VPS13B: variants seen among roughly 807,000 people sequenced by gnomAD.
The protein encoded by VPS13B is intermembrane lipid transfer protein VPS13B.
In VPS13B, 285 loss-of-function variants were observed where a neutral mutation model predicts 426.4. The observed-to-expected ratio is 0.67, with a 90% CI of 0.61 to 0.74. The LOEUF (loss-of-function observed/expected upper bound fraction) is 0.74. Ranked by LOEUF, VPS13B falls within the 30% of genes least tolerant of loss-of-function variation. The pLI, the probability that VPS13B is intolerant of heterozygous loss-of-function variation, is 0.00. For synonymous variants in VPS13B, 1,676 were observed against 1,676.4 expected (o/e 1.00, Z 0.01); for missense variants, 4,537 against 4,782.6 (o/e 0.95, Z 1.51).
intron 55 of VPS13B, among the ~76,000 whole-genome samples, chr8:99,850,936 CA>C (rs1214730748): frequency 2.0e-5 from 3 of 151,946 alleles, no homozygotes; most frequent in Non-Finnish European, 4.4e-5. Flanking sequence ...GGAAAAAAAA[CA>C]AAACAAAACA....
At chr8:99,452,975 G>A (rs1339873037) in intron 23 of VPS13B, among the ~76,000 whole-genome samples, 4 of 152,308 alleles carry the variant, frequency 2.6e-5, no homozygotes. Flanking sequence ...TCTACACTGT[G>A]CCTAAGAGAG....
chr8:99,364,106 A>G (rs375397067), intron 19 of VPS13B, among the ~76,000 whole-genome samples: 25 of 152,254 alleles, frequency 1.6e-4, no homozygotes, highest in African/African-American at 5.5e-4. Flanking sequence ...GGTCTGTTAT[A>G]TATGGCTTTT....
rs1006248756 is a variant in VPS13B at position 99,072,894 on chromosome 8, A to G, written c.292-23418A>G. Reference sequence around the variant, plus strand: ...TGTGTTCTTGGTTCCTTTGTCAAAAATCAGGTGGCTGTAAATACATGGATT... The same window carrying G: ...TGTGTTCTTGGTTCCTTTGTCAAAAGTCAGGTGGCTGTAAATACATGGATT... On this transcript the variant is annotated intron_variant, in intron 3 of 61. Transcript: ENST00000357162. 4.6e-5 allele frequency among the ~76,000 whole-genome samples: 7 copies of G among 152,200 alleles called. No individual in the cohort carries two copies. The East Asian group carries it at 1.3e-3, about 29-fold the overall frequency.
chr8:99,177,107 G>T (rs1812674563), intron 16 of VPS13B, among the ~76,000 whole-genome samples: 1 of 152,202 alleles, frequency 6.6e-6, no homozygotes, highest in Non-Finnish European at 1.5e-5. Context: ...GCAAGGAAGT[G>T]ATGAGTGCTC....
chr8:99,454,205 G>A (rs1818338719), intron 23 of VPS13B, among the ~76,000 whole-genome samples: 1 of 151,820 alleles, frequency 6.6e-6, no homozygotes, highest in South Asian at 2.1e-4. Context: ...ATTTTTTTGA[G>A]ACAGGGTCTC....
intron 17 of VPS13B, among the ~76,000 whole-genome samples, chr8:99,224,536 A>G (rs1476132766): frequency 6.6e-6 from 1 of 152,170 alleles, no homozygotes; most frequent in Non-Finnish European, 1.5e-5. Flanking sequence ...TATTAATCAT[A>G]AGACTATAGC....
intron 21 of VPS13B, among the ~76,000 whole-genome samples, chr8:99,427,782 A>C (rs1388929450): frequency 6.6e-6 from 1 of 151,888 alleles, no homozygotes; most frequent in Non-Finnish European, 1.5e-5. Flanking sequence ...ATTGGAAAAA[A>C]CTACTTTAAA....
At chr8:99,192,747 TTAAG>T in intron 16 of VPS13B, 125 bp from the exon 17 acceptor site, 1 of 858,228 alleles carries the variant, frequency 1.2e-6, no homozygotes, top group Non-Finnish European at 1.8e-6. Flanking sequence ...TCTATTTTGT[TTAAG>T]TAGTATGTTT....
At chr8:99,792,529 A>G (rs1254346130) in intron 43 of VPS13B, among the ~76,000 whole-genome samples, 1 of 152,188 alleles carries the variant, frequency 6.6e-6, no homozygotes, top group African/African-American at 2.4e-5. Flanking sequence ...AGAGAGAGGC[A>G]TAGAGGCTCC....
intron 17 of VPS13B, among the ~76,000 whole-genome samples, chr8:99,197,346 G>A (rs1813999794): frequency 6.6e-6 from 1 of 152,138 alleles, no homozygotes; most frequent in South Asian, 2.1e-4. Context: ...AAATGAGTTT[G>A]AAAGTATTCT....
chr8:99,196,159 T>C lies in VPS13B; in HGVS notation c.2515+3102T>C, dbSNP rs79862988. 7.4e-3 allele frequency among the ~76,000 whole-genome samples: 1,123 copies of C among 152,280 alleles called. 7 individuals are homozygous for C. The highest frequency in any genetic ancestry group is 0.014 in the Middle Eastern group (4 of 294). ...TTTGGGTAATATGGACATTTTAACATTAATTCTCCAAGTTCATTAGCACAG... is the reference window on the plus strand; with the variant it reads ...TTTGGGTAATATGGACATTTTAACACTAATTCTCCAAGTTCATTAGCACAG... On this transcript the variant is annotated intron_variant, in intron 17 of 61. Coordinates refer to ENST00000357162, the MANE Select transcript of VPS13B (RefSeq NM_152564.5).
At chr8:99,586,121 G>T (rs533203947) in intron 33 of VPS13B, among the ~76,000 whole-genome samples, 208 of 152,182 alleles carry the variant, frequency 1.4e-3, no homozygotes, top group African/African-American at 4.6e-3. Context: ...AACGGGAGAG[G>T]GTATAAGCTT....
Position 99,060,614 on chromosome 8 carries a change from C to CAA in VPS13B, c.291+22058_291+22059dup, listed in dbSNP as rs11413404. Among the ~76,000 whole-genome samples the CAA allele has an allele frequency of 4.8e-4, 71 of 148,512 alleles. No individual in the cohort carries two copies. In the South Asian group the frequency reaches 5.5e-3, roughly 11 times the overall value. ...ATAGAGCGCGACTTCATCTCAAAAA[C>CAA]AAAAAAAAAAATTGATTTAAATAAT... On this transcript the variant is annotated intron_variant, in intron 3 of 61. Coordinates refer to ENST00000357162, the MANE Select transcript of VPS13B (RefSeq NM_152564.5).
At position 99,848,808 on chromosome 8, in the gene VPS13B, T is replaced by C. The variant is rs369522130; in HGVS notation, c.9975T>C (p.Tyr3325=). The stretch of plus-strand genomic sequence containing the variant: ...TCCTGACTGGCTTTGGCTATGTGTA[T>C]GTGGATGTTGTACATCAGTGTGGCA... ...VVFLTGFGYV[Y]VDVVHQCGTV... The change falls in exon 55 of 62, where the codon TAT becomes TAC. Residue 3325 remains tyrosine, a synonymous_variant. Transcript: ENST00000357162. 3 of 1,614,162 alleles carry C rather than the reference T, an allele frequency of 1.9e-6. No individual in the cohort carries two copies. Among genetic ancestry groups the C allele is most frequent in the Non-Finnish European group, 2.5e-6 (3 of 1,180,000 alleles).
At chr8:99,365,516 C>CTTCTTTTTTTTTTTTTTTTTT (rs71273182) in intron 19 of VPS13B, among the ~76,000 whole-genome samples, 1 of 102,392 alleles carries the variant, frequency 9.8e-6, no homozygotes, top group Non-Finnish European at 1.8e-5. Context: ...TCTTCTTCTT[C>CTTCTTTTTTTTTTTTTTTTTT]TTTTTTTTTT....
intron 35 of VPS13B, among the ~76,000 whole-genome samples, chr8:99,695,540 G>C (rs867347941): frequency 8.9e-6 from 1 of 111,898 alleles, no homozygotes; most frequent in Admixed American, 1.1e-4. Context: ...ACACTCTGGG[G>C]ACTGTGGTGG....
intron 33 of VPS13B, among the ~76,000 whole-genome samples, chr8:99,598,326 CATT>C (rs975576756): frequency 4.3e-4 from 65 of 152,062 alleles, no homozygotes; most frequent in African/African-American, 1.3e-3. Flanking sequence ...CCTATTATCT[CATT>C]ATTTAGTAAG....
At chr8:99,527,035 A>T (rs1422576503) in intron 30 of VPS13B, among the ~76,000 whole-genome samples, 1 of 152,164 alleles carries the variant, frequency 6.6e-6, no homozygotes, top group African/African-American at 2.4e-5. Context: ...GAGATCATTT[A>T]AAAAATATAT....
chr8:99,436,683 A>C (rs1386830353), intron 22 of VPS13B, among the ~76,000 whole-genome samples: 1 of 152,194 alleles, frequency 6.6e-6, no homozygotes, highest in Non-Finnish European at 1.5e-5. Context: ...AGATAAAATT[A>C]GATTCTCATT....
Sources: allele counts gnomAD v4.1 joint callset (sites outside exome capture counted in the v4.1 genomes callset), GRCh38; gene constraint gnomAD v4.1.1; transcripts MANE v1.5; gene names NCBI Gene and HGNC (gene_info 2026-07-23, HGNC 2026-07-21).